SGCZ: variants seen among roughly 807,000 people sequenced by gnomAD.
SGCZ encodes zeta-sarcoglycan.
A neutral mutation model predicts 41.3 loss-of-function variants in SGCZ; 40 were observed. The observed-to-expected ratio is 0.97, with a 90% CI of 0.75 to 1.26. The LOEUF (loss-of-function observed/expected upper bound fraction) is 1.26, where lower values mean the gene tolerates loss of function less well. Among genes scored for constraint, SGCZ ranks in the 50% most tolerant of loss-of-function variants. The probability of loss-of-function intolerance (pLI) is 0.00; values close to 1 mark genes in which losing one functional copy is unlikely to be tolerated. For synonymous variants in SGCZ, 206 were observed against 137.5 expected, an observed-to-expected ratio of 1.50 and a Z score of -3.49; for missense variants, 552 against 369.8, an observed-to-expected ratio of 1.49 and a Z score of -4.04.
chr8:14,705,951 G>A (rs569027326), intron 1 of SGCZ, among the ~76,000 whole-genome samples: 3 of 151,924 alleles, frequency 2.0e-5, no homozygotes, highest in Non-Finnish European at 2.9e-5. Context: ...CATAACTCCT[G>A]TTATCCCATA....
chr8:14,309,596 G>C, intron 3 of SGCZ: 1 of 1,610,864 alleles, frequency 6.2e-7, no homozygotes, highest in Non-Finnish European at 8.5e-7. Flanking sequence ...TTCATCCAAA[G>C]ATAGTGACTG....
At chr8:15,160,433 ACGCTGCT>A (rs1799477734) in intron 1 of SGCZ, among the ~76,000 whole-genome samples, 1 of 152,204 alleles carries the variant, frequency 6.6e-6, no homozygotes, top group Admixed American at 6.5e-5. Context: ...ACTGTGAATA[ACGCTGCT>A]ATGAACAGAC....
chr8:14,739,068 C>G (rs1239830300), intron 1 of SGCZ, among the ~76,000 whole-genome samples: 1 of 151,902 alleles, frequency 6.6e-6, no homozygotes, highest in East Asian at 1.9e-4. Flanking sequence ...GATCTGTTCC[C>G]CTGAAAACAT....
At chr8:14,254,124 A>T (rs565050400) in intron 3 of SGCZ, among the ~76,000 whole-genome samples, 197 of 152,292 alleles carry the variant, frequency 1.3e-3, no homozygotes, top group African/African-American at 4.4e-3. Context: ...TTAAACCATG[A>T]GAAATAAATG....
At chr8:14,141,268 A>T (rs1157850889) in intron 5 of SGCZ, among the ~76,000 whole-genome samples, 1 of 152,244 alleles carries the variant, frequency 6.6e-6, no homozygotes, top group African/African-American at 2.4e-5. Flanking sequence ...CAAGAACTTC[A>T]GGACTAAAAC....
intron 1 of SGCZ, among the ~76,000 whole-genome samples, chr8:14,812,077 A>G (rs1801754203): frequency 6.6e-6 from 1 of 152,008 alleles, no homozygotes; most frequent in Admixed American, 6.6e-5. Context: ...GCAAATATTA[A>G]TTTCTTAAAT....
At chr8:14,954,812 C>T (rs1800744894) in intron 1 of SGCZ, among the ~76,000 whole-genome samples, 1 of 152,140 alleles carries the variant, frequency 6.6e-6, no homozygotes, top group Admixed American at 6.5e-5. Context: ...GCAAAGGACC[C>T]ATTCTTATTC....
At chr8:15,128,711 A>G (rs1490773651) in intron 1 of SGCZ, among the ~76,000 whole-genome samples, 1 of 152,230 alleles carries the variant, frequency 6.6e-6, no homozygotes, top group Non-Finnish European at 1.5e-5. Flanking sequence ...CAAAACTTAG[A>G]TAAGAAACAG....
intron 5 of SGCZ, among the ~76,000 whole-genome samples, chr8:14,108,765 C>G (rs1179695210): frequency 1.3e-5 from 2 of 152,126 alleles, no homozygotes; most frequent in African/African-American, 4.8e-5. Flanking sequence ...AAGAGTCAAT[C>G]AAGGTAAATC....
At chr8:15,222,481 C>T (rs1002004052) in intron 1 of SGCZ, among the ~76,000 whole-genome samples, 1 of 151,756 alleles carries the variant, frequency 6.6e-6, no homozygotes, top group Non-Finnish European at 1.5e-5. Context: ...GCTTGGCTAG[C>T]AAATCTGATA....
At chr8:14,665,994 C>A (rs939388052) in intron 1 of SGCZ, among the ~76,000 whole-genome samples, 5 of 152,218 alleles carry the variant, frequency 3.3e-5, no homozygotes, top group African/African-American at 1.2e-4. Flanking sequence ...ACATCCTGGG[C>A]AGCATGTAAG....
intron 1 of SGCZ, among the ~76,000 whole-genome samples, chr8:14,803,717 G>A (rs1801420969): frequency 6.6e-6 from 1 of 151,682 alleles, no homozygotes; most frequent in Non-Finnish European, 1.5e-5. Flanking sequence ...CAAACTGGGT[G>A]GAGCCCACCA....
intron 1 of SGCZ, among the ~76,000 whole-genome samples, chr8:14,866,142 A>C (rs1803922804): frequency 6.6e-6 from 1 of 152,120 alleles, no homozygotes; most frequent in Non-Finnish European, 1.5e-5. Context: ...CCTCTGTTTT[A>C]GGCAAAAAGC....
At chr8:14,561,805 G>A (rs565633564) in intron 1 of SGCZ, among the ~76,000 whole-genome samples, 9 of 152,140 alleles carry the variant, frequency 5.9e-5, no homozygotes, top group African/African-American at 1.4e-4. Context: ...ACTTTCCAAC[G>A]CAGTATTTTA....
intron 3 of SGCZ, among the ~76,000 whole-genome samples, chr8:14,259,037 G>A (rs1331681386): frequency 6.6e-6 from 1 of 152,128 alleles, no homozygotes; most frequent in African/African-American, 2.4e-5. Flanking sequence ...TCCAAAACGT[G>A]CTAAAAGTCT....
At chr8:14,461,444 G>C (rs1401917636) in intron 2 of SGCZ, among the ~76,000 whole-genome samples, 2 of 152,032 alleles carry the variant, frequency 1.3e-5, no homozygotes, top group African/African-American at 2.4e-5. Context: ...TGCTCAAAAT[G>C]GGTACTGTAG....
intron 1 of SGCZ, among the ~76,000 whole-genome samples, chr8:14,851,856 C>T (rs1267335394): frequency 6.6e-6 from 1 of 151,840 alleles, no homozygotes; most frequent in Non-Finnish European, 1.5e-5. Flanking sequence ...GACTTTTCCT[C>T]CGAGAACAAA....
intron 1 of SGCZ, among the ~76,000 whole-genome samples, chr8:14,701,793 G>A (rs1809146003): frequency 6.6e-6 from 1 of 151,708 alleles, no homozygotes. Flanking sequence ...CTACTAACAT[G>A]TGACCTCTAT....
intron 2 of SGCZ, among the ~76,000 whole-genome samples, chr8:14,365,096 T>C (rs997460859): frequency 2.0e-5 from 3 of 152,070 alleles, no homozygotes; most frequent in Admixed American, 6.6e-5. Flanking sequence ...GTAAACAGCA[T>C]GCCCTTTTCA....
Sources: allele counts gnomAD v4.1 joint callset (sites outside exome capture counted in the v4.1 genomes callset), GRCh38; gene constraint gnomAD v4.1.1; transcripts MANE v1.5; gene names NCBI Gene and HGNC (gene_info 2026-07-23, HGNC 2026-07-21).